KIF1B: variants seen among roughly 807,000 people sequenced by gnomAD.
The protein encoded by KIF1B is kinesin-like protein KIF1B.
A neutral mutation model predicts 241.9 loss-of-function variants in KIF1B; 76 were observed. The observed-to-expected ratio is 0.31, with a 90% CI of 0.26 to 0.38. The LOEUF (loss-of-function observed/expected upper bound fraction) is 0.38, where lower values mean the gene tolerates loss of function less well. Ranked by LOEUF, KIF1B falls within the 10% of genes least tolerant of loss-of-function variation. The pLI is 1.00. For synonymous variants in KIF1B, 750 were observed against 796.7 expected (o/e 0.94, Z 0.99); for missense variants, 1,622 against 2,271.4 (o/e 0.71, Z 5.81).
intron 1 of KIF1B, among the ~76,000 whole-genome samples, chr1:10,217,712 A>G (rs1372043545): frequency 2.0e-5 from 3 of 151,978 alleles, no homozygotes; most frequent in African/African-American, 4.8e-5. Flanking sequence ...ATCTCAGCAC[A>G]TCAGCAGGCC....
At position 10,210,599 on chromosome 1, in the gene KIF1B, C is replaced by T. The variant is rs528859522; in HGVS notation, c.-359C>T. Among the ~76,000 whole-genome samples the T allele has an allele frequency of 2.0e-3, 311 of 152,056 alleles. 3 individuals are homozygous for T. Among genetic ancestry groups the T allele is most frequent in the Non-Finnish European group, 2.6e-3 (176 of 67,934 alleles). ...TGACGGCAGCGGTCCTGGGAGGCGC[C>T]CGCGCGCGTCGGAGCAGCTCCCCGT... is the stretch of plus-strand genomic sequence containing the variant. On this transcript the variant is annotated 5_prime_UTR_variant, in exon 1 of 49. Transcript: ENST00000676179. This position sits in a 1 kb window ranked among gnomAD's most constrained non-coding sequence, Gnocchi z 4.1.
chr1:10,218,178 G>T (rs1646793858), intron 1 of KIF1B, among the ~76,000 whole-genome samples: 1 of 152,086 alleles, frequency 6.6e-6, no homozygotes, highest in African/African-American at 2.4e-5. Context: ...CTACAGGCTG[G>T]CTTCAGTGTC....
At chr1:10,360,908 C>T (rs1638404330) in intron 38 of KIF1B, 21 bp from the exon 39 acceptor site, 1 of 1,533,376 alleles carries the variant, frequency 6.5e-7, no homozygotes, top group Non-Finnish European at 9.0e-7. Context: ...GGATGATTCC[C>T]TCTTGTCTTT....
At position 10,375,037 on chromosome 1, in the gene KIF1B, C is replaced by G. The variant is rs545269302; in HGVS notation, c.5280C>G (p.Ala1760=). The G allele has an allele frequency of 6.2e-6, 10 of 1,614,118 alleles. No individual in the cohort carries two copies. The South Asian group carries it at 7.7e-5, about 12-fold the overall frequency. ...TGGAGTACAGTGAGGACCAGCAGGCCATGGTGAAGGTCCGTCCTGCCCTGC... is the reference window on the plus strand; with the variant it reads ...TGGAGTACAGTGAGGACCAGCAGGCGATGGTGAAGGTCCGTCCTGCCCTGC... ...AQVEYSEDQQ[A]MVKTPNTFAV... is the part of the protein sequence containing the mutation. Residue 1760 remains alanine, a synonymous_variant, in exon 47 of 49, where the codon GCC becomes GCG. Coordinates refer to ENST00000676179, the MANE Select transcript of KIF1B (RefSeq NM_001365951.3).
At chr1:10,220,401 A>AGATAGATAGATAGATAGATAGATAGAT (rs1646827850) in intron 1 of KIF1B, among the ~76,000 whole-genome samples, 3 of 54,662 alleles carry the variant, frequency 5.5e-5, no homozygotes, top group Admixed American at 1.9e-4. Context: ...GATAGATGAT[A>AGATAGATAGATAGATAGATAGATAGAT]GATAGATAGA....
rs781643526 is a variant in KIF1B at position 10,345,927 on chromosome 1, G to C, written c.3771G>C (p.Glu1257Asp). Residue 1257 changes from glutamate (E) to aspartate (D), a missense_variant, in exon 35 of 49, where the codon GAG becomes GAC. Around this residue, in one of 7 missense-constraint regions of KIF1B, gnomAD observed 803 missense variants for 1,112.0 expected, o/e 0.72. Coordinates refer to ENST00000676179, the MANE Select transcript of KIF1B (RefSeq NM_001365951.3). Reference sequence around the variant, plus strand: ...AGTATGACCTCCTGGTTTGGTTTGAGATCAGTGAACTGGAGCCTACAGGAG... The same window carrying C: ...AGTATGACCTCCTGGTTTGGTTTGACATCAGTGAACTGGAGCCTACAGGAG... ...MSKYDLLVWF[E>D]ISELEPTGEY... The C allele has an allele frequency of 1.4e-5, 22 of 1,613,500 alleles. 1 individual carries two copies. The highest frequency in any genetic ancestry group is 1.6e-5 in the Non-Finnish European group (19 of 1,179,408).
chr1:10,311,535 C>T (rs1651066558), intron 22 of KIF1B, among the ~76,000 whole-genome samples: 1 of 151,130 alleles, frequency 6.6e-6, no homozygotes, highest in Non-Finnish European at 1.5e-5. Flanking sequence ...TTCATTATTT[C>T]CTATCCTCAT....
chr1:10,256,821 C>T (rs1282909146), intron 3 of KIF1B, among the ~76,000 whole-genome samples: 6 of 152,032 alleles, frequency 3.9e-5, no homozygotes, highest in Non-Finnish European at 7.4e-5. Flanking sequence ...AAGCGATTCT[C>T]CCGCCTCAGC....
intron 1 of KIF1B, among the ~76,000 whole-genome samples, chr1:10,230,461 A>G (rs1350205853): frequency 7.0e-6 from 1 of 142,596 alleles, no homozygotes; most frequent in African/African-American, 2.6e-5. Flanking sequence ...TTTGAGACGG[A>G]GTCTCACTCT....
At chr1:10,278,778 T>A (rs1209398813) in intron 13 of KIF1B, 2 of 280,498 alleles carry the variant, frequency 7.1e-6, no homozygotes, top group Admixed American at 4.7e-5. Flanking sequence ...AGAAGTTCTC[T>A]TAAGTGAGTA....
At chr1:10,242,423 C>T (rs968944922) in intron 2 of KIF1B, among the ~76,000 whole-genome samples, 1 of 152,158 alleles carries the variant, frequency 6.6e-6, no homozygotes, top group African/African-American at 2.4e-5. Flanking sequence ...GTACTGAATA[C>T]TGTAGGAAAT....
chr1:10,364,101 G>A (rs995888871), intron 41 of KIF1B, among the ~76,000 whole-genome samples: 8 of 151,356 alleles, frequency 5.3e-5, no homozygotes, highest in African/African-American at 1.9e-4. Flanking sequence ...AGAGGCTAAA[G>A]TTCTCTGTCA....
At chr1:10,277,367 C>G (rs1649174087) in intron 12 of KIF1B, among the ~76,000 whole-genome samples, 1 of 151,844 alleles carries the variant, frequency 6.6e-6, no homozygotes, top group African/African-American at 2.4e-5. Context: ...TTGAGTCTTG[C>G]TATGTGGCCC....
intron 1 of KIF1B, among the ~76,000 whole-genome samples, chr1:10,230,426 TG>T (rs1321362329): frequency 1.4e-5 from 2 of 147,694 alleles, no homozygotes; most frequent in Non-Finnish European, 3.0e-5. Context: ...AAAAATTGGT[TG>T]TTTTTTTTTT....
rs149345689 is a variant in KIF1B, at chr1:10,374,109, A to C, written c.4947-207A>C. Among the ~76,000 whole-genome samples the C allele has an allele frequency of 6.6e-6, 1 of 152,284 alleles. No individual in the cohort carries two copies. Among genetic ancestry groups the C allele is most frequent in the East Asian group, 1.9e-4 (1 of 5,182 alleles). On this transcript the variant is annotated intron_variant, in intron 45 of 48. Coordinates refer to ENST00000676179, the MANE Select transcript of KIF1B (RefSeq NM_001365951.3). The surrounding 1 kb of genome is among the most constrained non-coding windows in gnomAD (Gnocchi z 4.3). ...GGCCATCAATGATCAATTTCCTTTC[A>C]TAACTTCAGAAGGATGACACCAGTT...
chr1:10,295,969 T>C (rs1260374108), intron 19 of KIF1B, among the ~76,000 whole-genome samples: 1 of 133,306 alleles, frequency 7.5e-6, no homozygotes, highest in Admixed American at 7.7e-5. Flanking sequence ...AGAAGCCCTT[T>C]TTTACTGCCA....
Position 10,295,383 on chromosome 1 carries a change from C to T in KIF1B, c.1670+218C>T, listed in dbSNP as rs545043620. 1.5e-4 allele frequency among the ~76,000 whole-genome samples: 23 copies of T among 151,446 alleles called. No individual in the cohort carries two copies. The East Asian group carries it at 4.1e-3, about 27-fold the overall frequency. The stretch of plus-strand genomic sequence containing the variant: ...TGAAGACCCTAAATAATTTTTTTTT[C>T]CTTTAACAAATATACATTCCTTAGG... On this transcript the variant is annotated intron_variant, in intron 18 of 48. Coordinates refer to ENST00000676179, the MANE Select transcript of KIF1B (RefSeq NM_001365951.3).
intron 38 of KIF1B, among the ~76,000 whole-genome samples, chr1:10,356,218 T>A (rs1638241163): frequency 6.6e-6 from 1 of 151,800 alleles, no homozygotes; most frequent in East Asian, 2.0e-4. Context: ...ATACAAAAAT[T>A]AGCCTGGCAT....
intron 43 of KIF1B, among the ~76,000 whole-genome samples, chr1:10,366,886 G>A (rs993696391): frequency 1.3e-5 from 2 of 151,672 alleles, no homozygotes; most frequent in African/African-American, 2.4e-5. Flanking sequence ...CAGGAGAATC[G>A]CTTGAACCCA....
Sources: gnomAD v4.1 joint callset for allele counts (sites outside exome capture counted in the v4.1 genomes callset) on GRCh38, gnomAD v4.1.1 for gene constraint, gnomAD v4.1.1 regional missense constraint, Gnocchi (gnomAD v3.1) non-coding constraint, MANE v1.5 for transcripts, NCBI Gene and HGNC (gene_info 2026-07-23, HGNC 2026-07-21) for gene names.